CUL2: variants seen among roughly 807,000 people sequenced by gnomAD.
The protein encoded by CUL2 is cullin-2.
Under a neutral mutation model 110.2 loss-of-function variants are expected in CUL2, and 22 were observed. The observed-to-expected ratio is 0.20, with a 90% CI of 0.14 to 0.28. CUL2 has a LOEUF of 0.28. Ranked by LOEUF, CUL2 falls within the 10% of genes least tolerant of loss-of-function variation. CUL2 has a pLI of 1.00. For synonymous variants in CUL2, 279 were observed against 293.2 expected (o/e 0.95, Z 0.49); for missense variants, 631 against 905.5 (o/e 0.70, Z 3.89).
chr10:35,018,751 G>A (rs778961718), intron 17 of CUL2, among the ~76,000 whole-genome samples: 14 of 84,822 alleles, frequency 1.7e-4, no homozygotes, highest in African/African-American at 4.3e-4. Context: ...TAACAAGAGC[G>A]AAACTCCGTC....
intron 2 of CUL2, among the ~76,000 whole-genome samples, chr10:35,096,178 G>T (rs1003121072): frequency 6.6e-6 from 1 of 152,076 alleles, no homozygotes; most frequent in African/African-American, 2.4e-5. Flanking sequence ...AACCTCAGAG[G>T]CAGAGGTTTC....
At chr10:35,037,930 G>C (rs1243514887) in intron 9 of CUL2, among the ~76,000 whole-genome samples, 1 of 152,018 alleles carries the variant, frequency 6.6e-6, no homozygotes, top group Admixed American at 6.6e-5. Context: ...GGGGCAAGCA[G>C]ATTATCTGAG....
intron 2 of CUL2, among the ~76,000 whole-genome samples, 185 bp downstream of exon 2, chr10:35,071,014 C>T (rs888807222): frequency 6.6e-6 from 1 of 152,000 alleles, no homozygotes; most frequent in African/African-American, 2.4e-5. Context: ...TCAACAAATA[C>T]TTGTTGAATG....
intron 14 of CUL2, among the ~76,000 whole-genome samples, chr10:35,030,505 C>A (rs12763028): frequency 6.6e-6 from 1 of 151,924 alleles, no homozygotes; most frequent in East Asian, 1.9e-4. Context: ...ACCTCAGCCA[C>A]CTGAGTAACT....
intron 4 of CUL2, among the ~76,000 whole-genome samples, chr10:35,056,453 A>G (rs923872142): frequency 1.3e-5 from 2 of 152,222 alleles, no homozygotes; most frequent in African/African-American, 4.8e-5. Flanking sequence ...TGATCATTTT[A>G]TACATAAGAA....
chr10:35,079,460 C>G (rs867173383), intron 1 of CUL2: 5 of 152,630 alleles, frequency 3.3e-5, no homozygotes, highest in African/African-American at 1.2e-4. Context: ...AGGCTCAATG[C>G]TTTCTGGCAC....
At chr10:35,048,651 C>T (rs778715432) in intron 6 of CUL2, among the ~76,000 whole-genome samples, 2 of 152,164 alleles carry the variant, frequency 1.3e-5, no homozygotes, top group Non-Finnish European at 2.9e-5. Context: ...AGAAAAACAA[C>T]GGGTTACACC....
At chr10:35,071,851 T>C (rs1004503820) in intron 1 of CUL2, among the ~76,000 whole-genome samples, 2 of 152,214 alleles carry the variant, frequency 1.3e-5, no homozygotes, top group African/African-American at 4.8e-5. Context: ...TTTACATTCA[T>C]TACAAGCTCT....
chr10:35,069,418 G>A (rs2086622761), intron 2 of CUL2, among the ~76,000 whole-genome samples: 1 of 152,058 alleles, frequency 6.6e-6, no homozygotes, highest in Admixed American at 6.6e-5. Flanking sequence ...GCACATGCCT[G>A]TAGTCCCAGC....
intron 1 of CUL2, among the ~76,000 whole-genome samples, chr10:35,114,864 G>T (rs2087573128): frequency 6.6e-6 from 1 of 152,104 alleles, no homozygotes. Context: ...ATCAGATGCT[G>T]CAGAAGAAAA....
At chr10:35,033,634 G>A (rs2085534934) in intron 10 of CUL2, among the ~76,000 whole-genome samples, 1 of 152,074 alleles carries the variant, frequency 6.6e-6, no homozygotes, top group African/African-American at 2.4e-5. Context: ...CTACACGGGA[G>A]GCTGAGGCAG....
chr10:35,061,075 G>T, intron 3 of CUL2, 107 bp from the exon 4 acceptor site: 1 of 1,229,822 alleles, frequency 8.1e-7, no homozygotes, highest in Non-Finnish European at 1.1e-6. Context: ...CATAATTCTA[G>T]CTGTACAAAT....
At chr10:35,092,893 C>CACA (rs369064157), upstream of CUL2, among the ~76,000 whole-genome samples, 54,192 of 151,850 alleles carry the variant, frequency 0.36, 11,758 homozygotes, top group Middle Eastern at 0.49. Context: ...AGGCATATTT[C>CACA]TATTAATATA....
chr10:35,055,884 G>T (rs2086229662), intron 4 of CUL2, among the ~76,000 whole-genome samples: 2 of 152,192 alleles, frequency 1.3e-5, no homozygotes, highest in Non-Finnish European at 2.9e-5. Flanking sequence ...AAGGTAAAGA[G>T]GGGATGGCCT....
At chr10:35,016,539 AT>A in intron 17 of CUL2, 145 bp from the exon 18 acceptor site, 2 of 668,516 alleles carry the variant, frequency 3.0e-6, no homozygotes, top group Non-Finnish European at 5.0e-6. Flanking sequence ...CAAGGTAGTC[AT>A]TTTGTTTCTT....
chr10:35,077,340 A>C (rs563915887), intron 1 of CUL2, among the ~76,000 whole-genome samples: 8 of 149,366 alleles, frequency 5.4e-5, no homozygotes, highest in Non-Finnish European at 9.0e-5. Flanking sequence ...CAAAAAAAAC[A>C]AACAAAAATT....
At chr10:35,054,753 C>A (rs146812977) in intron 4 of CUL2, among the ~76,000 whole-genome samples, 5 of 152,328 alleles carry the variant, frequency 3.3e-5, no homozygotes, top group African/African-American at 9.6e-5. Flanking sequence ...CAATACCCTT[C>A]TAGCCCAACA....
At chr10:35,027,347 T>C (rs1345850738) in intron 16 of CUL2, among the ~76,000 whole-genome samples, 1 of 152,012 alleles carries the variant, frequency 6.6e-6, no homozygotes, top group Non-Finnish European at 1.5e-5. Context: ...GGTTTCACTG[T>C]GTTAGCCAGG....
chr10:35,087,995 T>C (rs1293479875), intron 1 of CUL2, among the ~76,000 whole-genome samples: 1 of 152,218 alleles, frequency 6.6e-6, no homozygotes, highest in African/African-American at 2.4e-5. Flanking sequence ...ACCTCAGGGT[T>C]TTTCCATTTG....
Sources: gnomAD v4.1 joint callset for allele counts (sites outside exome capture counted in the v4.1 genomes callset) on GRCh38, gnomAD v4.1.1 for gene constraint, MANE v1.5 for transcripts, NCBI Gene and HGNC (gene_info 2026-07-23, HGNC 2026-07-21) for gene names.